COPG2: variants seen among roughly 807,000 people sequenced by gnomAD.
The protein encoded by COPG2 is coatomer subunit gamma-2.
A neutral mutation model predicts 46.3 loss-of-function variants in COPG2; 37 were observed. The observed-to-expected ratio is 0.80, with a 90% confidence interval of 0.61 to 1.05. The LOEUF (loss-of-function observed/expected upper bound fraction) is 1.05. Among genes scored for constraint, COPG2 ranks in the 50% least tolerant of loss-of-function variants. COPG2 has a pLI of 0.00. For synonymous variants in COPG2, 159 were observed against 129.7 expected (o/e 1.23, Z -1.53); for missense variants, 427 against 387.8 (o/e 1.10, Z -0.85).
chr7:130,507,407 A>C (rs118051986), intron 22 of COPG2, 35 bp from the exon 23 acceptor site: 1 of 780,006 alleles, frequency 1.3e-6, no homozygotes, highest in Non-Finnish European at 2.4e-6. Context: ...AGTATTAGGA[A>C]AGTAAAGCAC....
intron 20 of COPG2, among the ~76,000 whole-genome samples, chr7:130,524,928 C>A (rs1293598842): frequency 6.6e-6 from 1 of 152,036 alleles, no homozygotes; most frequent in African/African-American, 2.4e-5. Flanking sequence ...CTCAGTACAG[C>A]ATGCTGGGGA....
At chr7:130,542,936 G>C (rs1016431839) in intron 20 of COPG2, among the ~76,000 whole-genome samples, 1 of 152,212 alleles carries the variant, frequency 6.6e-6, no homozygotes, top group African/African-American at 2.4e-5. Context: ...TCATGGCTGA[G>C]TGTAGGAGCA....
intron 9 of COPG2, among the ~76,000 whole-genome samples, chr7:130,571,845 C>CTCTCTA (rs1378524429): frequency 1.3e-5 from 2 of 149,002 alleles, no homozygotes; most frequent in African/African-American, 4.9e-5. Flanking sequence ...CTCTCTCTCT[C>CTCTCTA]TATATATATA....
At chr7:130,507,907 G>T in intron 21 of COPG2, 84 bp from the exon 22 acceptor site, 2 of 712,032 alleles carry the variant, frequency 2.8e-6, no homozygotes, top group Non-Finnish European at 5.1e-6. Context: ...TGGTCCTCCG[G>T]AGCCTAGAGA....
chr7:130,599,335 A>AT (rs1554450065), intron 9 of COPG2, among the ~76,000 whole-genome samples: 1 of 152,156 alleles, frequency 6.6e-6, no homozygotes, highest in East Asian at 1.9e-4. Flanking sequence ...ATGGCACTGG[A>AT]TTTGACCTAG....
intron 5 of COPG2, among the ~76,000 whole-genome samples, chr7:130,625,712 T>C (rs1241164125): frequency 1.3e-5 from 2 of 152,052 alleles, no homozygotes; most frequent in East Asian, 1.9e-4. Flanking sequence ...TTTATTTATA[T>C]TGTTAATTTT....
At chr7:130,509,880 A>G (rs1362423965) in intron 20 of COPG2, 3 of 487,996 alleles carry the variant, frequency 6.1e-6, no homozygotes, top group East Asian at 5.9e-5. Flanking sequence ...GTGAAACGAT[A>G]TAATAGTTTA....
intron 9 of COPG2, chr7:130,564,644 T>C (rs1285405224): frequency 3.2e-6 from 1 of 308,164 alleles, no homozygotes; most frequent in Non-Finnish European, 5.9e-6. Flanking sequence ...AGCTGAATCT[T>C]AGTAAAAATG....
rs1225648436 is a variant in COPG2 at position 130,513,303 on chromosome 7, AAAAAAATAT to A, written c.2150-4653_2150-4645del. The stretch of plus-strand genomic sequence containing the variant: ...AATAATTCTGTCTAAAAAAAAAAAA[AAAAAAATAT>A]ATATATATATATATATATATATATA... On this transcript the variant is annotated intron_variant, in intron 20 of 23. Transcript: ENST00000425248. Among the ~76,000 whole-genome samples the A allele has an allele frequency of 1.8e-3, 84 of 46,700 alleles. 1 individual carries two copies. The highest frequency in any genetic ancestry group is 7.2e-3 in the African/African-American group (82 of 11,370). 30.6% of individuals were successfully genotyped at this position (46,700 alleles called of 152,430 possible).
At chr7:130,527,458 G>A (rs1282240132) in intron 20 of COPG2, among the ~76,000 whole-genome samples, 1 of 118,544 alleles carries the variant, frequency 8.4e-6, no homozygotes, top group African/African-American at 3.2e-5. Context: ...CTTATCTGGG[G>A]TGGGGGGTGG....
intron 7 of COPG2, among the ~76,000 whole-genome samples, chr7:130,613,094 G>A (rs1327631028): frequency 1.3e-5 from 2 of 152,160 alleles, no homozygotes; most frequent in Non-Finnish European, 2.9e-5. Context: ...ACCAGGGATT[G>A]GTTTTATGGA....
intron 12 of COPG2, among the ~76,000 whole-genome samples, chr7:130,558,329 C>T (rs1793664672): frequency 1.3e-5 from 2 of 152,054 alleles, no homozygotes; most frequent in Non-Finnish European, 2.9e-5. Flanking sequence ...GTGTAACACT[C>T]CTCCACACCC....
chr7:130,659,152 G>A (rs566550606), intron 4 of COPG2, among the ~76,000 whole-genome samples: 5 of 151,800 alleles, frequency 3.3e-5, no homozygotes, highest in African/African-American at 9.7e-5. Context: ...TCAGCAGATC[G>A]AGACCATCCT....
intron 20 of COPG2, among the ~76,000 whole-genome samples, chr7:130,513,493 T>C (rs1554441356): frequency 6.7e-6 from 1 of 148,826 alleles, no homozygotes; most frequent in East Asian, 2.0e-4. Context: ...GCATATGCAG[T>C]AGAGAGATGT....
chr7:130,611,367 AG>A (rs1794845831), intron 8 of COPG2, among the ~76,000 whole-genome samples: 1 of 152,212 alleles, frequency 6.6e-6, no homozygotes, highest in African/African-American at 2.4e-5. Flanking sequence ...TGGCTCTAGC[AG>A]GCTCAACACT....
At chr7:130,620,160 G>A (rs1795013998) in intron 5 of COPG2, among the ~76,000 whole-genome samples, 1 of 152,020 alleles carries the variant, frequency 6.6e-6, no homozygotes, top group Non-Finnish European at 1.5e-5. Context: ...AATGTCAAAA[G>A]TTTTGCCCTC....
Position 130,554,676 on chromosome 7 carries a change from C to T in COPG2, c.1273G>A (p.Val425Met). Reference sequence around the variant, plus strand: ...TCTTTACTCTCAGGGTTCTCTTCCACAATGCTGATTATACAGTCCACAATG... The same window carrying T: ...TCTTTACTCTCAGGGTTCTCTTCCATAATGCTGATTATACAGTCCACAATG... ...RAIVDCIISIVEENPESKEAG... is the reference protein window; with the variant it reads ...RAIVDCIISIMEENPESKEAG... The change falls in exon 14 of 24, where the codon GTG (valine) becomes ATG (methionine). Residue 425 changes from valine (V) to methionine (M), a missense_variant. Physicochemically the swap from Val to Met is conservative, Grantham distance 21 (BLOSUM62 1). Transcript: ENST00000425248. 2.5e-6 allele frequency: 1 copy of T among 398,552 alleles called. No homozygotes were observed. The highest frequency in any genetic ancestry group is 4.4e-6 in the Non-Finnish European group (1 of 226,068). 24.7% of individuals were successfully genotyped at this position (398,552 alleles called of 1,614,324 possible).
intron 20 of COPG2, chr7:130,509,818 T>C: frequency 2.0e-6 from 1 of 507,142 alleles, no homozygotes; most frequent in Non-Finnish European, 3.9e-6. Flanking sequence ...TTTAAGAGAG[T>C]GCCATGTGAG....
chr7:130,548,378 A>G (rs1431145577), intron 19 of COPG2, 25 bp downstream of exon 19: 1 of 398,456 alleles, frequency 2.5e-6, no homozygotes, highest in Non-Finnish European at 4.4e-6. Context: ...CTAAATCTCT[A>G]CAGCAGCCAA....
Sources: gnomAD v4.1 joint callset for allele counts (sites outside exome capture counted in the v4.1 genomes callset) on GRCh38, gnomAD v4.1.1 for gene constraint, MANE v1.5 for transcripts, NCBI Gene and HGNC (gene_info 2026-07-23, HGNC 2026-07-21) for gene names.